The following SIAH3 variants were observed in gnomAD, a reference collection of about 807,000 sequenced individuals.
SIAH3 encodes seven in absentia homolog 3.
SIAH3 carries 9 observed loss-of-function variants against 12.6 expected under a neutral mutation model. That is an observed-to-expected ratio of 0.72 (90% CI 0.43 to 1.25). The LOEUF (loss-of-function observed/expected upper bound fraction) is 1.25. Among genes scored for constraint, SIAH3 ranks in the 50% most tolerant of loss-of-function variants. SIAH3 has a pLI of 0.00. For synonymous variants in SIAH3, 154 were observed against 151.1 expected (o/e 1.02, Z -0.14); for missense variants, 390 against 365.4 (o/e 1.07, Z -0.55).
chr13:45,814,743 T>TTTTTTTTTTTTTTTTA (rs1950628219), intron 1 of SIAH3, among the ~76,000 whole-genome samples: 3 of 151,620 alleles, frequency 2.0e-5, no homozygotes, highest in African/African-American at 7.3e-5. Context: ...TTTTTTTTTT[T>TTTTTTTTTTTTTTTTA]GAGACAGAGG....
intron 1 of SIAH3, 51 bp downstream of exon 1, chr13:45,851,444 G>A: frequency 6.2e-7 from 1 of 1,603,302 alleles, no homozygotes. Flanking sequence ...CCGCCTCCGA[G>A]AAAGGACTTG....
chr13:45,826,590 C>G (rs928275510), intron 1 of SIAH3, among the ~76,000 whole-genome samples: 1 of 152,038 alleles, frequency 6.6e-6, no homozygotes, highest in Non-Finnish European at 1.5e-5. Flanking sequence ...CTATGCTTTA[C>G]CTTATCACGT....
chr13:45,790,265 C>CT (rs1360924648), intron 1 of SIAH3, among the ~76,000 whole-genome samples: 4 of 152,152 alleles, frequency 2.6e-5, no homozygotes, highest in Non-Finnish European at 5.9e-5. Context: ...AGAAAAGAGG[C>CT]TAATAGGCTG....
intron 1 of SIAH3, among the ~76,000 whole-genome samples, chr13:45,832,835 G>C (rs958748750): frequency 6.6e-6 from 1 of 152,192 alleles, no homozygotes; most frequent in Non-Finnish European, 1.5e-5. Context: ...AGAAACACTT[G>C]TTATTTTTCT....
At chr13:45,795,098 T>A (rs1950558131) in intron 1 of SIAH3, among the ~76,000 whole-genome samples, 1 of 152,196 alleles carries the variant, frequency 6.6e-6, no homozygotes, top group South Asian at 2.1e-4. Context: ...TTTAAAAATC[T>A]TCCTTTTAAA....
chr13:45,800,703 T>TA (rs1950578734), intron 1 of SIAH3, among the ~76,000 whole-genome samples: 1 of 152,232 alleles, frequency 6.6e-6, no homozygotes, highest in Admixed American at 6.5e-5. Flanking sequence ...TAGCTCTTGC[T>TA]AGGAAGAGGA....
chr13:45,834,211 C>A (rs140515634), intron 1 of SIAH3, among the ~76,000 whole-genome samples: 1 of 152,202 alleles, frequency 6.6e-6, no homozygotes, highest in Non-Finnish European at 1.5e-5. Flanking sequence ...AACTGGTTTT[C>A]TTAGCAGCAA....
rs1360431477 is a variant in SIAH3 at position 45,778,906 on chromosome 13, C to G, written c.*4477G>C. 2.6e-5 allele frequency: 4 copies of G among 152,240 alleles called. No individual in the cohort carries two copies. The highest frequency in any genetic ancestry group is 5.9e-5 in the Non-Finnish European group (4 of 68,008). The allele number at this position is 152,240 out of a possible 1,614,324, so 9.4% of individuals were successfully genotyped here. On this transcript the variant is annotated 3_prime_UTR_variant, in exon 2 of 2. Coordinates refer to ENST00000400405, the MANE Select transcript of SIAH3 (RefSeq NM_198849.3). ...ATACTATGCCGTTTTATATAAGGGA[C>G]TTGAGCATCTTCAGATTTTAGTGTC...
At chr13:45,833,647 G>A (rs189338714) in intron 1 of SIAH3, among the ~76,000 whole-genome samples, 5 of 152,266 alleles carry the variant, frequency 3.3e-5, no homozygotes, top group Admixed American at 1.3e-4. Context: ...TTTCTCATTC[G>A]ATCCTCACGA....
At chr13:45,823,206 C>A (rs1160531438) in intron 1 of SIAH3, among the ~76,000 whole-genome samples, 1 of 152,186 alleles carries the variant, frequency 6.6e-6, no homozygotes, top group Non-Finnish European at 1.5e-5. Flanking sequence ...CACAATCTAA[C>A]TGCCTGGGGA....
intron 1 of SIAH3, among the ~76,000 whole-genome samples, chr13:45,829,382 T>C (rs1472874703): frequency 6.6e-6 from 1 of 152,120 alleles, no homozygotes; most frequent in African/African-American, 2.4e-5. Context: ...GTGGGAGGAT[T>C]GCTTGAGCCC....
At chr13:45,800,791 A>T in intron 1 of SIAH3, among the ~76,000 whole-genome samples, 1 of 152,304 alleles carries the variant, frequency 6.6e-6, no homozygotes, top group East Asian at 1.9e-4. Context: ...CCTATTAGAG[A>T]TTGTGCTTGG....
chr13:45,807,277 T>TA (rs35328551), intron 1 of SIAH3, among the ~76,000 whole-genome samples: 4,438 of 142,820 alleles, frequency 0.031, 196 homozygotes, highest in African/African-American at 0.1. Flanking sequence ...ACCAGAATAC[T>TA]AAAAAAAAAA....
chr13:45,783,269 T>TA lies in SIAH3; in HGVS notation c.*113_*114insT, dbSNP rs1555256192. The TA allele has an allele frequency of 3.4e-3, 2,202 of 646,718 alleles. 30 individuals are homozygous for TA. The highest frequency in any genetic ancestry group is 0.031 in the African/African-American group (1,441 of 46,006). 40.1% of individuals were successfully genotyped at this position (646,718 alleles called of 1,614,324 possible). On this transcript the variant is annotated 3_prime_UTR_variant, in exon 2 of 2. Transcript: ENST00000400405. ...ACAAAAAAATAATAATAATTAAAAA[T>TA]TAAAAAAAAAAAAAAGAAAGGAGAA...
In SIAH3 at chr13:45,851,635, C is replaced by T. The variant is rs1593391853; in HGVS notation, c.-6G>A. 2 of 1,614,132 alleles carry T rather than the reference C, an allele frequency of 1.2e-6. No individual in the cohort carries two copies. Among genetic ancestry groups the T allele is most frequent in the East Asian group, 2.2e-5 (1 of 44,878 alleles). On this transcript the variant is annotated 5_prime_UTR_variant, in exon 1 of 2. Coordinates refer to ENST00000400405, the MANE Select transcript of SIAH3 (RefSeq NM_198849.3). ...CACTGGGTAAAGAAAAGCATCACAA[C>T]TTTTGGGGGGTTGTTGGTCCGGGAA...
In SIAH3 at chr13:45,780,111, G is replaced by A. The variant is rs1950498228; in HGVS notation, c.*3272C>T. On this transcript the variant is annotated 3_prime_UTR_variant, in exon 2 of 2. Coordinates refer to ENST00000400405, the MANE Select transcript of SIAH3 (RefSeq NM_198849.3). ...TTAACTCTTGCACCTTGGTGTGAAT[G>A]AGGCAACCAGATCCCAGCGTTCTGT... 6.6e-6 allele frequency: 1 copy of A among 152,200 alleles called. No individual in the cohort carries two copies. Among genetic ancestry groups the A allele is most frequent in the Non-Finnish European group, 1.5e-5 (1 of 68,044 alleles). The allele number at this position is 152,200 out of a possible 1,614,324, so 9.4% of individuals were successfully genotyped here. A position where few individuals can be genotyped will look rare whatever the true frequency, so the allele number is the denominator to read the frequency against.
chr13:45,813,322 G>A (rs1950622597), intron 1 of SIAH3, among the ~76,000 whole-genome samples: 1 of 152,220 alleles, frequency 6.6e-6, no homozygotes, highest in African/African-American at 2.4e-5. Flanking sequence ...GAGAGAGAGA[G>A]GATGGGAAAG....
chr13:45,826,673 A>G (rs1354594380), intron 1 of SIAH3, among the ~76,000 whole-genome samples: 1 of 152,120 alleles, frequency 6.6e-6, no homozygotes, highest in East Asian at 1.9e-4. Context: ...TGTTAAACAT[A>G]TTTCTTCAAG....
rs188644762 is a variant in SIAH3 at position 45,807,759 on chromosome 13, G to C, written c.136-23702C>G. On this transcript the variant is annotated intron_variant, in intron 1 of 1. Transcript: ENST00000400405. ...ATGGATGGATGACAACAGCTAGAAAGAATGCCCTCCAAATCGAATCATTGA... is the reference window on the plus strand; with the variant it reads ...ATGGATGGATGACAACAGCTAGAAACAATGCCCTCCAAATCGAATCATTGA... Among the ~76,000 whole-genome samples, 139 of 152,276 alleles carry C rather than the reference G, an allele frequency of 9.1e-4. No individual in the cohort carries two copies. The East Asian group carries it at 0.019, about 20-fold the overall frequency.
Sources: allele counts gnomAD v4.1 joint callset (sites outside exome capture counted in the v4.1 genomes callset), GRCh38; gene constraint gnomAD v4.1.1; transcripts MANE v1.5; gene names NCBI Gene and HGNC (gene_info 2026-07-23, HGNC 2026-07-21).